MGAM: variants seen among roughly 807,000 people sequenced by gnomAD.
The protein encoded by MGAM is maltase-glucoamylase, also known as alpha-1,4-glucosidase.
In MGAM, 253 loss-of-function variants were observed where a neutral mutation model predicts 358.8. The ratio of observed to expected loss-of-function variants is 0.71; its 90% CI spans 0.64 to 0.78. MGAM has a LOEUF of 0.78. Ranked by LOEUF, MGAM falls within the 30% of genes least tolerant of loss-of-function variation. The probability of loss-of-function intolerance (pLI) is 0.00; values close to 1 mark genes in which losing one functional copy is unlikely to be tolerated. For synonymous variants in MGAM, 1,105 were observed against 1,227.1 expected (o/e 0.90, Z 2.08); for missense variants, 3,080 against 3,432.6 (o/e 0.90, Z 2.57).
intron 21 of MGAM, among the ~76,000 whole-genome samples, chr7:142,045,115 A>C (rs1331858215): frequency 4.3e-5 from 4 of 92,724 alleles, no homozygotes; most frequent in Non-Finnish European, 8.1e-5. Context: ...TATACGTGCA[A>C]TATATGATAT....
At chr7:141,999,843 G>C (rs1804593910) in intron 1 of MGAM, among the ~76,000 whole-genome samples, 1 of 151,958 alleles carries the variant, frequency 6.6e-6, no homozygotes, top group Non-Finnish European at 1.5e-5. Context: ...AATTGAGATA[G>C]GAAGCTTCAC....
At chr7:142,021,495 C>A in intron 5 of MGAM, 91 bp from the exon 6 acceptor site, 1 of 1,279,352 alleles carries the variant, frequency 7.8e-7, no homozygotes, top group South Asian at 1.4e-5. Context: ...TCAGTTTGAT[C>A]AGTGCCTGAT....
At chr7:142,023,312 C>A (rs563313502) in intron 7 of MGAM, among the ~76,000 whole-genome samples, 7 of 152,120 alleles carry the variant, frequency 4.6e-5, no homozygotes, top group Admixed American at 2.6e-4. Flanking sequence ...AATCCTCTGG[C>A]CTTGGTCTCC....
At chr7:142,007,194 A>T (rs190272095) in intron 2 of MGAM, among the ~76,000 whole-genome samples, 3 of 152,238 alleles carry the variant, frequency 2.0e-5, no homozygotes, top group Admixed American at 2.0e-4. Flanking sequence ...ATCTACTTTG[A>T]GTTTATTTTA....
intron 45 of MGAM, among the ~76,000 whole-genome samples, chr7:142,074,429 A>T (rs4439034): frequency 6.8e-6 from 1 of 146,000 alleles, no homozygotes; most frequent in South Asian, 2.2e-4. Context: ...TTTATTGTCA[A>T]TGGGTGCTTA....
At chr7:142,000,270 A>C (rs1195438529) in intron 1 of MGAM, among the ~76,000 whole-genome samples, 2 of 152,172 alleles carry the variant, frequency 1.3e-5, no homozygotes, top group Admixed American at 1.3e-4. Context: ...TGAAGGCTTG[A>C]ATAGGGGTAG....
intron 3 of MGAM, among the ~76,000 whole-genome samples, chr7:142,010,488 T>C (rs1290540084): frequency 6.6e-6 from 1 of 152,064 alleles, no homozygotes; most frequent in Non-Finnish European, 1.5e-5. Context: ...TTCCATGTAT[T>C]TTAAAATATT....
chr7:142,065,115 G>C (rs1436844618), intron 37 of MGAM, among the ~76,000 whole-genome samples: 1 of 152,112 alleles, frequency 6.6e-6, no homozygotes, highest in East Asian at 1.9e-4. Flanking sequence ...ACTCCAGTGA[G>C]GCTGCTACAG....
intron 44 of MGAM, 133 bp downstream of exon 44, chr7:142,071,251 G>A: frequency 8.7e-7 from 1 of 1,148,378 alleles, no homozygotes; most frequent in South Asian, 1.7e-5. Flanking sequence ...TCTTTGTTTT[G>A]TTGTTTGTGT....
At chr7:142,057,824 T>C (rs1052351027) in intron 30 of MGAM, among the ~76,000 whole-genome samples, 1 of 152,154 alleles carries the variant, frequency 6.6e-6, no homozygotes, top group African/African-American at 2.4e-5. Flanking sequence ...ATGCTATTAT[T>C]ATCCGTTATT....
chr7:142,094,241 T>C, intron 60 of MGAM, 123 bp from the exon 61 acceptor site: 1 of 1,189,132 alleles, frequency 8.4e-7, no homozygotes, highest in Non-Finnish European at 1.2e-6. Flanking sequence ...CAGCTCAGAG[T>C]CCCGTGTTCC....
rs377434592 is a variant in MGAM, at chr7:142,094,368, G to C, written c.7177G>C (p.Val2393Leu). 1.3e-6 allele frequency: 2 copies of C among 1,522,318 alleles called. No individual in the cohort carries two copies. Among genetic ancestry groups the C allele is most frequent in the South Asian group, 2.4e-5 (2 of 84,520 alleles). The allele number at this position is 1,522,318 out of a possible 1,614,324, so 94.3% of individuals were successfully genotyped here. ...WSQTRPTYEA[V>L]QEVTGQRGVV... Reference sequence around the variant, plus strand: ...CTCCTTTTCCCCTCCAACCAGAGCCGTGCAGGAGGTGACAGGACAGCGAGG... The same window carrying C: ...CTCCTTTTCCCCTCCAACCAGAGCCCTGCAGGAGGTGACAGGACAGCGAGG... The change falls in exon 61 of 71, where the codon GTG becomes CTG. Residue 2393 changes from valine to leucine, a missense_variant. Val to Leu is a conservative substitution (Grantham distance 32, BLOSUM62 1). Coordinates refer to ENST00000475668, the MANE Select transcript of MGAM (RefSeq NM_001365693.1).
intron 2 of MGAM, among the ~76,000 whole-genome samples, chr7:141,987,176 A>G (rs1193855131): frequency 6.6e-6 from 1 of 152,234 alleles, no homozygotes; most frequent in East Asian, 1.9e-4. Flanking sequence ...TAGGCATAGT[A>G]AAGGTAGTGT....
intron 68 of MGAM, among the ~76,000 whole-genome samples, chr7:142,101,765 G>A (rs921264582): frequency 6.6e-6 from 1 of 151,848 alleles, no homozygotes; most frequent in African/African-American, 2.4e-5. Context: ...AAAATTAGCT[G>A]GGCATGGTGG....
intron 63 of MGAM, among the ~76,000 whole-genome samples, chr7:142,095,205 C>G (rs74732310): frequency 0.018 from 2,708 of 152,158 alleles, 64 homozygotes; most frequent in African/African-American, 0.062. Flanking sequence ...CCTCAGTCCC[C>G]GAAAGTGCTG....
At chr7:142,052,537 T>C in intron 25 of MGAM, 91 bp downstream of exon 25, 1 of 1,505,148 alleles carries the variant, frequency 6.6e-7, no homozygotes, top group Non-Finnish European at 8.9e-7. Context: ...CATAACTACT[T>C]AAAATCCATA....
intron 2 of MGAM, among the ~76,000 whole-genome samples, chr7:142,008,246 C>T (rs1360677035): frequency 2.0e-5 from 3 of 152,168 alleles, no homozygotes; most frequent in Non-Finnish European, 4.4e-5. Context: ...AGCTTCTAGT[C>T]TAAAGGCGGA....
At chr7:142,000,509 C>T (rs1804646843) in intron 1 of MGAM, among the ~76,000 whole-genome samples, 1 of 152,140 alleles carries the variant, frequency 6.6e-6, no homozygotes, top group African/African-American at 2.4e-5. Flanking sequence ...CTAAGTCCAG[C>T]TCATCCTCAG....
intron 45 of MGAM, 101 bp downstream of exon 45, chr7:142,074,274 G>A: frequency 1.2e-6 from 1 of 868,062 alleles, no homozygotes; most frequent in Non-Finnish European, 1.8e-6. Context: ...AATCTCAGCA[G>A]GCACAGTAGC....
Sources: allele counts gnomAD v4.1 joint callset (sites outside exome capture counted in the v4.1 genomes callset), GRCh38; gene constraint gnomAD v4.1.1; transcripts MANE v1.5; gene names NCBI Gene and HGNC (gene_info 2026-07-23, HGNC 2026-07-21).